The following ARL3 variants were observed in gnomAD, a reference collection of about 807,000 sequenced individuals.
ARL3 encodes ARF like GTPase 3.
In ARL3, 9 loss-of-function variants were observed where a neutral mutation model predicts 26.0. The ratio of observed to expected loss-of-function variants is 0.35; its 90% confidence interval spans 0.21 to 0.60. The LOEUF is 0.60. ARL3 is among the 20% of genes least tolerant of loss of function. ARL3 has a pLI of 0.78. For missense variants in ARL3, 158 were observed against 215.7 expected (o/e 0.73, Z 1.67); for synonymous variants, 71 against 78.4 (o/e 0.91, Z 0.50).
intron 1 of ARL3, 41 bp from the exon 2 acceptor site, chr10:102,705,530 T>G: frequency 6.7e-7 from 1 of 1,496,792 alleles, no homozygotes. Context: ...CTGGGGGCAC[T>G]GACTGTGATA....
chr10:102,690,975 C>T (rs1201168227), intron 3 of ARL3, among the ~76,000 whole-genome samples: 10 of 151,490 alleles, frequency 6.6e-5, no homozygotes, highest in Non-Finnish European at 1.2e-4. Context: ...CCCACCTCAG[C>T]CTCCTGAGTA....
intron 5 of ARL3, among the ~76,000 whole-genome samples, chr10:102,678,542 C>A (rs2064141190): frequency 6.6e-6 from 1 of 152,206 alleles, no homozygotes; most frequent in South Asian, 2.1e-4. Flanking sequence ...TTTCCACCTT[C>A]AGGGGCTCAC....
intron 2 of ARL3, among the ~76,000 whole-genome samples, chr10:102,700,174 G>T (rs988165333): frequency 6.6e-6 from 1 of 152,184 alleles, no homozygotes; most frequent in Non-Finnish European, 1.5e-5. Context: ...ACTCTGGGAG[G>T]CCGAGGCGGA....
At position 102,705,429 on chromosome 10, in the gene ARL3, G is replaced by A. The variant is rs760669680; in HGVS notation, c.64C>T (p.Leu22Phe). 6.2e-7 allele frequency: 1 copy of A among 1,612,002 alleles called. No individual in the cohort carries two copies. The highest frequency in any genetic ancestry group is 1.7e-5 in the Admixed American group (1 of 59,974). The change falls in exon 2 of 6, where the codon CTC becomes TTC. Residue 22 changes from leucine (L) to phenylalanine (F), a missense_variant. Transcript: ENST00000260746. ...SAPDQEVRIL[L>F]LGLDNAGKTT... Reference sequence around the variant, plus strand: ...TTGCCAGCATTATCCAAGCCCAGGAGAAGTATTCTCACCTCCTGGTCTGGT... The same window carrying A: ...TTGCCAGCATTATCCAAGCCCAGGAAAAGTATTCTCACCTCCTGGTCTGGT...
At chr10:102,706,941 G>A (rs545464908) in intron 1 of ARL3, among the ~76,000 whole-genome samples, 128 of 151,960 alleles carry the variant, frequency 8.4e-4, no homozygotes, top group Middle Eastern at 3.4e-3. Flanking sequence ...CAAAGTGCTG[G>A]GATTACAGGC....
rs1450413840 is a variant in ARL3, at chr10:102,673,985, G to C, written c.*2909C>G. On this transcript the variant is annotated 3_prime_UTR_variant, in exon 6 of 6. Transcript: ENST00000260746. Reference sequence around the variant, plus strand: ...ATCAAAGCAAACTCTGACGGGAATGGAGAGACGAGTCCTGGTGAGGGTGAC... The same window carrying C: ...ATCAAAGCAAACTCTGACGGGAATGCAGAGACGAGTCCTGGTGAGGGTGAC... 6.6e-6 allele frequency: 1 copy of C among 152,564 alleles called. No individual in the cohort carries two copies. The highest frequency in any genetic ancestry group is 1.5e-5 in the Non-Finnish European group (1 of 68,014). 9.5% of individuals were successfully genotyped at this position (152,564 alleles called of 1,614,324 possible).
intron 2 of ARL3, among the ~76,000 whole-genome samples, chr10:102,703,151 C>T (rs1327002109): frequency 8.4e-6 from 1 of 118,676 alleles, no homozygotes; most frequent in Non-Finnish European, 1.6e-5. Context: ...GAGACGGAGT[C>T]TCACTCTGTC....
At chr10:102,685,665 T>C in intron 5 of ARL3, 151 bp downstream of exon 5, 3 of 761,850 alleles carry the variant, frequency 3.9e-6, no homozygotes, top group South Asian at 2.0e-5. Flanking sequence ...TGATATCTGA[T>C]TGGTTGCTAA....
At chr10:102,677,331 C>T (rs2064135314) in intron 5 of ARL3, among the ~76,000 whole-genome samples, 1 of 152,164 alleles carries the variant, frequency 6.6e-6, no homozygotes, top group African/African-American at 2.4e-5. Flanking sequence ...TTCAATAAGC[C>T]ACCCTTTTGG....
rs998249653 is a variant in ARL3 at position 102,674,659 on chromosome 10, A to G, written c.*2235T>C. The G allele has an allele frequency of 5.3e-5, 8 of 152,252 alleles. No homozygotes were observed. Among genetic ancestry groups the G allele is most frequent in the African/African-American group, 9.6e-5 (4 of 41,456 alleles). The allele number at this position is 152,252 out of a possible 1,614,324, so 9.4% of individuals were successfully genotyped here. A position where few individuals can be genotyped will look rare whatever the true frequency, so the allele number is the denominator to read the frequency against. On this transcript the variant is annotated 3_prime_UTR_variant, in exon 6 of 6. Coordinates refer to ENST00000260746, the MANE Select transcript of ARL3 (RefSeq NM_004311.4). ...GGCAGGGAAGAGGCAAGAGGGCTTTAAAAAGTATTTTGTTTTTAAATGGGA... is the reference window on the plus strand; with the variant it reads ...GGCAGGGAAGAGGCAAGAGGGCTTTGAAAAGTATTTTGTTTTTAAATGGGA...
chr10:102,689,980 G>C, intron 3 of ARL3, 37 bp from the exon 4 acceptor site: 1 of 1,458,046 alleles, frequency 6.9e-7, no homozygotes, highest in East Asian at 2.3e-5. Flanking sequence ...TCAGTGAGCA[G>C]AGATGGAAAA....
intron 3 of ARL3, among the ~76,000 whole-genome samples, chr10:102,696,713 G>A (rs571574974): frequency 1.3e-5 from 2 of 152,314 alleles, no homozygotes; most frequent in South Asian, 4.1e-4. Context: ...AGGGAGCCAA[G>A]GATGATTGCA....
At chr10:102,677,248 C>A (rs1043366267) in intron 5 of ARL3, among the ~76,000 whole-genome samples, 1 of 152,236 alleles carries the variant, frequency 6.6e-6, no homozygotes, top group Non-Finnish European at 1.5e-5. Flanking sequence ...CAAAGCCTGA[C>A]TGAAGAGCTA....
At chr10:102,680,437 T>C (rs1207397726) in intron 5 of ARL3, among the ~76,000 whole-genome samples, 3 of 152,178 alleles carry the variant, frequency 2.0e-5, no homozygotes, top group African/African-American at 7.2e-5. Flanking sequence ...AGACATGGAA[T>C]TTCAAATACT....
Position 102,705,340 on chromosome 10 carries a change from G to C in ARL3, c.147+6C>G. ...ACACGGCATCTGGAGCCAAGGCAGT[G>C]CTCACCTGTGTAGGTGTGATGTGGC... On this transcript the variant is annotated splice_donor_region_variant and intron_variant, in intron 2 of 5. Coordinates refer to ENST00000260746, the MANE Select transcript of ARL3 (RefSeq NM_004311.4). 6.4e-7 allele frequency: 1 copy of C among 1,574,364 alleles called. No individual in the cohort carries two copies. Among genetic ancestry groups the C allele is most frequent in the Non-Finnish European group, 8.7e-7 (1 of 1,152,928 alleles).
intron 3 of ARL3, among the ~76,000 whole-genome samples, chr10:102,698,286 C>T (rs1292416890): frequency 1.3e-5 from 2 of 151,936 alleles, no homozygotes; most frequent in Non-Finnish European, 2.9e-5. Context: ...GGGCTCACTG[C>T]AACCTCCGCC....
chr10:102,681,771 G>A (rs1221220469), intron 5 of ARL3, among the ~76,000 whole-genome samples: 1 of 152,136 alleles, frequency 6.6e-6, no homozygotes, highest in South Asian at 2.1e-4. Context: ...TTAAAACTTC[G>A]GATCTCTGCT....
At chr10:102,709,472 T>C (rs1590129481) in intron 1 of ARL3, among the ~76,000 whole-genome samples, 2 of 64,240 alleles carry the variant, frequency 3.1e-5, no homozygotes, top group East Asian at 4.7e-4. Flanking sequence ...GAGACACATA[T>C]CCCTACCAAA....
At chr10:102,683,112 T>A (rs924768461) in intron 5 of ARL3, among the ~76,000 whole-genome samples, 1 of 152,196 alleles carries the variant, frequency 6.6e-6, no homozygotes, top group Non-Finnish European at 1.5e-5. Flanking sequence ...GGAATTCCAC[T>A]TAAGTGACTC....
Sources: gnomAD v4.1 joint callset for allele counts (sites outside exome capture counted in the v4.1 genomes callset) on GRCh38, gnomAD v4.1.1 for gene constraint, MANE v1.5 for transcripts, NCBI Gene and HGNC (gene_info 2026-07-23, HGNC 2026-07-21) for gene names.